Variants in MCM9 observed in about 807,000 individuals in gnomAD.
MCM9 encodes minichromosome maintenance 9 homologous recombination repair factor.
MCM9 carries 55 observed loss-of-function variants against 72.8 expected under a neutral mutation model. The observed-to-expected ratio is 0.76, with a 90% confidence interval of 0.61 to 0.95. The LOEUF (loss-of-function observed/expected upper bound fraction) is 0.95, where lower values mean the gene tolerates loss of function less well. Among genes scored for constraint, MCM9 ranks in the 40% least tolerant of loss-of-function variants. The pLI is 0.00. For missense variants in MCM9, 1,279 were observed against 1,377.0 expected (o/e 0.93, Z 1.13); for synonymous variants, 480 against 503.4 (o/e 0.95, Z 0.62).
chr6:118,905,814 C>G, intron 8 of MCM9: 1 of 1,601,120 alleles, frequency 6.2e-7, no homozygotes, highest in Non-Finnish European at 8.5e-7. Context: ...ACCAGTAAAA[C>G]CAGACTTTTC....
At chr6:118,880,945 T>A (rs567069268) in intron 8 of MCM9, among the ~76,000 whole-genome samples, 11 of 152,346 alleles carry the variant, frequency 7.2e-5, no homozygotes, top group Middle Eastern at 3.4e-3. Context: ...CTATACACAC[T>A]ATGTTTTTCC....
intron 13 of MCM9, among the ~76,000 whole-genome samples, chr6:118,825,418 T>C (rs1472992317): frequency 6.6e-6 from 1 of 150,850 alleles, no homozygotes; most frequent in African/African-American, 2.5e-5. Flanking sequence ...TTCTCAAGGA[T>C]TTTTTTTTAA....
chr6:118,890,136 T>C (rs1778852213), intron 8 of MCM9, among the ~76,000 whole-genome samples: 2 of 152,174 alleles, frequency 1.3e-5, no homozygotes, highest in Non-Finnish European at 2.9e-5. Flanking sequence ...TCTCTCCCAG[T>C]ATACACCTGG....
chr6:118,884,671 A>G (rs1778490768), intron 8 of MCM9, among the ~76,000 whole-genome samples: 1 of 152,224 alleles, frequency 6.6e-6, no homozygotes, highest in South Asian at 2.1e-4. Flanking sequence ...ACTATATGCT[A>G]TCTACAAGAG....
intron 8 of MCM9, among the ~76,000 whole-genome samples, chr6:118,902,528 CTTTTT>C (rs33980013): frequency 7.6e-5 from 10 of 131,526 alleles, no homozygotes; most frequent in African/African-American, 2.3e-4. Flanking sequence ...ACTGATAATA[CTTTTT>C]TTTTTTTTTT....
intron 8 of MCM9, among the ~76,000 whole-genome samples, chr6:118,893,236 G>A (rs1176604551): frequency 6.6e-6 from 1 of 152,132 alleles, no homozygotes; most frequent in Non-Finnish European, 1.5e-5. Context: ...AGGCAAGCAA[G>A]GGCTCCTCAG....
intron 9 of MCM9, among the ~76,000 whole-genome samples, chr6:118,850,704 T>A (rs1240410923): frequency 6.6e-6 from 1 of 151,906 alleles, no homozygotes; most frequent in Non-Finnish European, 1.5e-5. Context: ...TTTGATCTAT[T>A]GGAAGCATCT....
intron 8 of MCM9, among the ~76,000 whole-genome samples, chr6:118,868,840 T>C (rs978196236): frequency 1.3e-5 from 2 of 152,216 alleles, no homozygotes; most frequent in African/African-American, 2.4e-5. Context: ...AGTTCAATCA[T>C]TGTGGAAGAC....
chr6:118,909,773 A>G (rs1010565356), intron 8 of MCM9, among the ~76,000 whole-genome samples: 8 of 152,182 alleles, frequency 5.3e-5, no homozygotes, highest in Non-Finnish European at 1.5e-5. Context: ...AGCTTTCCCA[A>G]GAATGTCTAT....
Position 118,913,172 on chromosome 6 carries a change from G to T in MCM9, c.1030+123C>A. On this transcript the variant is annotated intron_variant, in intron 7 of 13. Coordinates refer to ENST00000619706, the MANE Select transcript of MCM9 (RefSeq NM_017696.3). The stretch of plus-strand genomic sequence containing the variant: ...CTAAGTATAAGATATTCAGACAACT[G>T]TCAGTTTTATAAGATTACAATTGGA... 3 of 1,100,478 alleles carry T rather than the reference G, an allele frequency of 2.7e-6. No individual in the cohort carries two copies. In the East Asian group the frequency reaches 7.2e-5, roughly 27 times the overall value. 68.2% of individuals were successfully genotyped at this position (1,100,478 alleles called of 1,614,324 possible).
intron 8 of MCM9, among the ~76,000 whole-genome samples, chr6:118,866,026 G>C (rs1562415828): frequency 6.6e-6 from 1 of 152,228 alleles, no homozygotes; most frequent in Non-Finnish European, 1.5e-5. Flanking sequence ...GGAAGTAATT[G>C]AAACACATAG....
At chr6:118,856,872 T>A (rs150141688) in intron 8 of MCM9, among the ~76,000 whole-genome samples, 27,891 of 151,872 alleles carry the variant, frequency 0.18, 3,313 homozygotes, top group East Asian at 0.38. Context: ...CAGAGCAAGA[T>A]CTTGTCTTAA....
intron 9 of MCM9, among the ~76,000 whole-genome samples, chr6:118,838,105 T>C (rs1017059122): frequency 2.6e-5 from 4 of 151,990 alleles, no homozygotes; most frequent in Non-Finnish European, 5.9e-5. Flanking sequence ...ATTTTATTTC[T>C]CCTTAGGTTA....
Position 118,816,243 on chromosome 6 carries a change from C to G in MCM9, c.2013G>C (p.Glu671Asp), listed in dbSNP as rs1773400019. Residue 671 changes from glutamate (E) to aspartate (D), a missense_variant, in exon 14 of 14, where the codon GAG (glutamate) becomes GAC (aspartate). Coordinates refer to ENST00000619706, the MANE Select transcript of MCM9 (RefSeq NM_017696.3). ...CATTTCTCAAGGATCCTGGAGTAGT[C>G]TCTACCTCCAATACCCGTGGTTGGG... ...HQSQPRVLEV[E>D]TTPGSLRNGP... 6.5e-7 allele frequency: 1 copy of G among 1,549,870 alleles called. No individual in the cohort carries two copies. Among genetic ancestry groups the G allele is most frequent in the Non-Finnish European group, 8.7e-7 (1 of 1,146,628 alleles).
At chr6:118,898,745 C>G (rs1436963204) in intron 8 of MCM9, among the ~76,000 whole-genome samples, 1 of 152,186 alleles carries the variant, frequency 6.6e-6, no homozygotes, top group Non-Finnish European at 1.5e-5. Context: ...TTAGTCTTAT[C>G]CTCACTTGGC....
At chr6:118,933,125 G>C (rs1272971943) in intron 1 of MCM9, among the ~76,000 whole-genome samples, 1 of 152,160 alleles carries the variant, frequency 6.6e-6, no homozygotes, top group African/African-American at 2.4e-5. Flanking sequence ...AGGAGTCAAA[G>C]GAGAGGGAGG....
At chr6:118,824,572 G>A (rs1244861269) in intron 13 of MCM9, among the ~76,000 whole-genome samples, 1 of 152,162 alleles carries the variant, frequency 6.6e-6, no homozygotes, top group Non-Finnish European at 1.5e-5. Context: ...GCCTCACAAA[G>A]TGCTGGGATT....
At chr6:118,833,719 T>C (rs1774752262) in intron 9 of MCM9, among the ~76,000 whole-genome samples, 1 of 152,090 alleles carries the variant, frequency 6.6e-6, no homozygotes, top group African/African-American at 2.4e-5. Flanking sequence ...ACCTGTGAAA[T>C]ACCTAGAGTA....
intron 8 of MCM9, among the ~76,000 whole-genome samples, chr6:118,898,425 ATT>A (rs34394511): frequency 5.8e-4 from 81 of 140,440 alleles, no homozygotes; most frequent in Admixed American, 6.4e-4. Context: ...TTATGTAATA[ATT>A]TTTTTTTTTT....
Sources: gnomAD v4.1 joint callset for allele counts (sites outside exome capture counted in the v4.1 genomes callset) on GRCh38, gnomAD v4.1.1 for gene constraint, MANE v1.5 for transcripts, NCBI Gene and HGNC (gene_info 2026-07-23, HGNC 2026-07-21) for gene names.